Variants in C14orf132 observed in about 807,000 individuals in gnomAD.
The protein encoded by C14orf132 is chromosome 14 open reading frame 132.
In C14orf132, 6 loss-of-function variants were observed where a neutral mutation model predicts 5.8. That is an observed-to-expected ratio of 1.03 (90% CI 0.57 to 2.04). C14orf132 has a LOEUF of 2.04. Among genes scored for constraint, C14orf132 ranks in the 30% most tolerant of loss-of-function variants. The probability of loss-of-function intolerance (pLI) is 0.00; values close to 1 mark genes in which losing one functional copy is unlikely to be tolerated. For missense variants in C14orf132, 125 were observed against 115.8 expected (o/e 1.08, Z -0.37); for synonymous variants, 51 against 49.8 (o/e 1.02, Z -0.10).
chr14:96,053,674 C>T (rs1887096307), intron 1 of C14orf132, among the ~76,000 whole-genome samples: 1 of 152,208 alleles, frequency 6.6e-6, no homozygotes, highest in Non-Finnish European at 1.5e-5. Flanking sequence ...CCATGATGGC[C>T]TTTGCCTGTT....
chr14:96,071,841 G>A (rs372517044), intron 1 of C14orf132, among the ~76,000 whole-genome samples: 2 of 152,366 alleles, frequency 1.3e-5, no homozygotes, highest in East Asian at 1.9e-4. Context: ...GGTGGACATC[G>A]CCTTGTGCCT....
At chr14:96,045,019 G>T (rs1886794995) in intron 1 of C14orf132, among the ~76,000 whole-genome samples, 1 of 152,228 alleles carries the variant, frequency 6.6e-6, no homozygotes. Context: ...CCTCATATTA[G>T]CAGCTGTTGA....
chr14:96,085,580 C>T (rs568060820), intron 1 of C14orf132, among the ~76,000 whole-genome samples: 2 of 152,332 alleles, frequency 1.3e-5, no homozygotes, highest in African/African-American at 4.8e-5. Context: ...TCTGGCATCC[C>T]GTGTGCAGTG....
chr14:96,082,505 G>GA (rs146006924), intron 1 of C14orf132, among the ~76,000 whole-genome samples: 2 of 151,876 alleles, frequency 1.3e-5, no homozygotes, highest in South Asian at 2.1e-4. Flanking sequence ...ATTTTACAAA[G>GA]AAAAAAAATA....
rs1381445402 is a variant in C14orf132, at chr14:96,039,404, G to T, written c.-97G>T. Reference sequence around the variant, plus strand: ...CGAGTGCGCCGTGCGGTCTCCGGACGCTCGCTGCTCAGCCCGATCCCCGCC... The same window carrying T: ...CGAGTGCGCCGTGCGGTCTCCGGACTCTCGCTGCTCAGCCCGATCCCCGCC... On this transcript the variant is annotated 5_prime_UTR_variant, in exon 1 of 2. Coordinates refer to ENST00000555004, the MANE Select transcript of C14orf132 (RefSeq NM_001252507.3). The surrounding 1 kb of genome is among the most constrained non-coding windows in gnomAD (Gnocchi z 5.3). 5.6e-6 allele frequency: 7 copies of T among 1,258,214 alleles called. No homozygotes were observed. In the East Asian group the frequency reaches 1.6e-4, roughly 28 times the overall value. 77.9% of individuals were successfully genotyped at this position (1,258,214 alleles called of 1,614,324 possible). A position where few individuals can be genotyped will look rare whatever the true frequency, so the allele number is the denominator to read the frequency against.
chr14:96,083,225 A>T (rs1381456870), intron 1 of C14orf132, among the ~76,000 whole-genome samples: 1 of 152,144 alleles, frequency 6.6e-6, no homozygotes, highest in Non-Finnish European at 1.5e-5. Flanking sequence ...TTGTATGTTA[A>T]GGATGGGGCT....
intron 1 of C14orf132, among the ~76,000 whole-genome samples, chr14:96,053,681 T>C (rs189385417): frequency 6.6e-6 from 1 of 152,194 alleles, no homozygotes. Flanking sequence ...GGCCTTTGCC[T>C]GTTCAGTCTC....
rs74086064 is a variant in C14orf132, at chr14:96,078,526, G to T, written c.28-7985G>T. Among the ~76,000 whole-genome samples the T allele has an allele frequency of 6.1e-3, 923 of 152,310 alleles. 6 individuals carry two copies. The highest frequency in any genetic ancestry group is 0.021 in the African/African-American group (887 of 41,560). On this transcript the variant is annotated intron_variant, in intron 1 of 1. Transcript: ENST00000555004. ...CTTCTTGCCAGGGGCCTCGGCCATT[G>T]CTTGTTGGAGCTTGCCTGGGCTTAC... is the stretch of plus-strand genomic sequence containing the variant.
At chr14:96,045,487 G>A (rs189461239) in intron 1 of C14orf132, among the ~76,000 whole-genome samples, 1 of 152,290 alleles carries the variant, frequency 6.6e-6, no homozygotes, top group African/African-American at 2.4e-5. Flanking sequence ...CCCGAAACCA[G>A]CCAGGTGACC....
At chr14:96,082,458 T>C (rs59306338) in intron 1 of C14orf132, among the ~76,000 whole-genome samples, 30,323 of 152,214 alleles carry the variant, frequency 0.2, 3,381 homozygotes, top group South Asian at 0.27. Flanking sequence ...TTGGAAGTTA[T>C]TGTTATGTCT....
chr14:96,086,002 A>G (rs915107891), intron 1 of C14orf132, among the ~76,000 whole-genome samples: 1 of 152,018 alleles, frequency 6.6e-6, no homozygotes, highest in East Asian at 1.9e-4. Context: ...ACACACACAC[A>G]CACACACACA....
chr14:96,040,220 G>A, intron 1 of C14orf132: 1 of 390,952 alleles, frequency 2.6e-6, no homozygotes, highest in Non-Finnish European at 4.5e-6. Context: ...GAATGCCCTG[G>A]AGTTCTGAGC....
chr14:96,049,072 C>G (rs1284668044), intron 1 of C14orf132, among the ~76,000 whole-genome samples: 5 of 151,998 alleles, frequency 3.3e-5, no homozygotes, highest in Non-Finnish European at 5.9e-5. Context: ...TTTCAGGTGC[C>G]CACCACTGTA....
At chr14:96,066,825 AAATAT>A (rs1306469976) in intron 1 of C14orf132, among the ~76,000 whole-genome samples, 9 of 152,226 alleles carry the variant, frequency 5.9e-5, no homozygotes, top group Admixed American at 1.3e-4. Flanking sequence ...GTAATGTAGT[AAATAT>A]AATGTAATGT....
At position 96,090,648 on chromosome 14, in the gene C14orf132, C is replaced by CA. The variant is rs1888367839; in HGVS notation, c.*3914dup. Reference sequence around the variant, plus strand: ...AGACTCCCTGCTCCACTCTACCCCCCAGAGAGAAATGATTCTCGCTCCTTT... The same window carrying CA: ...AGACTCCCTGCTCCACTCTACCCCCCAAGAGAGAAATGATTCTCGCTCCTTT... On this transcript the variant is annotated 3_prime_UTR_variant, in exon 2 of 2. Transcript: ENST00000555004. 2 of 456,062 alleles carry CA rather than the reference C, an allele frequency of 4.4e-6. No homozygotes were observed. Among genetic ancestry groups the CA allele is most frequent in the Admixed American group, 2.3e-5 (1 of 42,580 alleles). 28.3% of individuals were successfully genotyped at this position (456,062 alleles called of 1,614,324 possible).
chr14:96,047,123 G>GTTGTAC (rs1246032651), intron 1 of C14orf132, among the ~76,000 whole-genome samples: 1 of 152,150 alleles, frequency 6.6e-6, no homozygotes, highest in Non-Finnish European at 1.5e-5. Context: ...GGCTTGTCTG[G>GTTGTAC]TTGTACTTCA....
intron 1 of C14orf132, among the ~76,000 whole-genome samples, chr14:96,073,428 GA>G (rs1283744777): frequency 1.3e-5 from 2 of 152,042 alleles, no homozygotes; most frequent in Admixed American, 1.3e-4. Context: ...AGAAACCTAT[GA>G]AAAAAAGTTC....
rs140590803 is a variant in C14orf132, at chr14:96,054,674, G to A, written c.27+15147G>A. ...GAACCAAAACTGTATATCCCCCTCCGCATCATCCCTTTTTTTGGGCTAAAT... is the reference window on the plus strand; with the variant it reads ...GAACCAAAACTGTATATCCCCCTCCACATCATCCCTTTTTTTGGGCTAAAT... On this transcript the variant is annotated intron_variant, in intron 1 of 1. Coordinates refer to ENST00000555004, the MANE Select transcript of C14orf132 (RefSeq NM_001252507.3). Among the ~76,000 whole-genome samples the A allele has an allele frequency of 6.5e-4, 99 of 152,230 alleles. 1 individual carries two copies. The highest frequency in any genetic ancestry group is 2.9e-3 in the South Asian group (14 of 4,810).
At chr14:96,058,214 A>C (rs1478588782) in intron 1 of C14orf132, among the ~76,000 whole-genome samples, 1 of 151,772 alleles carries the variant, frequency 6.6e-6, no homozygotes, top group Non-Finnish European at 1.5e-5. Context: ...CATCCTCCTC[A>C]CTCGGTCACT....
Sources: allele counts gnomAD v4.1 joint callset (sites outside exome capture counted in the v4.1 genomes callset), GRCh38; gene constraint gnomAD v4.1.1; non-coding constraint Gnocchi (gnomAD v3.1); transcripts MANE v1.5; gene names NCBI Gene and HGNC (gene_info 2026-07-23, HGNC 2026-07-21).